Variants in NCOR1 observed in about 807,000 individuals in gnomAD.
The protein encoded by NCOR1 is nuclear receptor corepressor 1.
In NCOR1, 63 loss-of-function variants were observed where a neutral mutation model predicts 288.1. The ratio of observed to expected loss-of-function variants is 0.22; its 90% CI spans 0.18 to 0.27. The LOEUF is 0.27. NCOR1 is among the 10% of genes least tolerant of loss of function. The pLI, the probability that NCOR1 is intolerant of heterozygous loss-of-function variation, is 1.00. For missense variants in NCOR1, 2,397 were observed against 3,019.2 expected (o/e 0.79, Z 4.83); for synonymous variants, 1,007 against 1,065.9 (o/e 0.94, Z 1.08).
intron 42 of NCOR1, among the ~76,000 whole-genome samples, chr17:16,041,612 A>G (rs1284824766): frequency 3.3e-5 from 5 of 151,772 alleles, no homozygotes; most frequent in Admixed American, 6.6e-5. Context: ...ACGGAGTTTC[A>G]CCATTTTGGC....
In NCOR1 at chr17:16,125,225, T is replaced by G. The variant is rs564401429; in HGVS notation, c.1634+857A>C. Among the ~76,000 whole-genome samples the G allele has an allele frequency of 3.3e-5, 5 of 151,820 alleles. No individual in the cohort carries two copies. In the East Asian group the frequency reaches 9.7e-4, roughly 30 times the overall value. On this transcript the variant is annotated intron_variant, in intron 15 of 45. Coordinates refer to ENST00000268712, the MANE Select transcript of NCOR1 (RefSeq NM_006311.4). ...CTAAAAACACAAAATTAGCCGGGCG[T>G]GGTGACGCGTGCCTGTAATCCTACC... is the stretch of plus-strand genomic sequence containing the variant.
intron 15 of NCOR1, among the ~76,000 whole-genome samples, chr17:16,124,972 C>T (rs1244576460): frequency 6.6e-6 from 1 of 152,166 alleles, no homozygotes; most frequent in Non-Finnish European, 1.5e-5. Context: ...GTAATAATAA[C>T]TCATGACTTG....
At chr17:16,149,564 T>G in intron 8 of NCOR1, 47 bp from the exon 9 acceptor site, 1 of 894,428 alleles carries the variant, frequency 1.1e-6, no homozygotes. Context: ...AAAGCACAAT[T>G]TAATAATGCA....
chr17:16,127,523 A>G (rs2074693298), intron 14 of NCOR1, among the ~76,000 whole-genome samples: 1 of 146,926 alleles, frequency 6.8e-6, no homozygotes, highest in Admixed American at 6.8e-5. Flanking sequence ...GTATATACAC[A>G]CGTGTATATA....
chr17:16,199,210 A>ACACACACACACACACACACAC (rs1555813660), intron 1 of NCOR1, among the ~76,000 whole-genome samples: 18 of 109,212 alleles, frequency 1.6e-4, no homozygotes, highest in African/African-American at 6.1e-4. Context: ...GAAGGAAAAA[A>ACACACACACACACACACACAC]AAAAAAACAC....
intron 12 of NCOR1, among the ~76,000 whole-genome samples, chr17:16,138,422 TA>T (rs1337172278): frequency 6.6e-6 from 1 of 152,018 alleles, no homozygotes; most frequent in Non-Finnish European, 1.5e-5. Context: ...CCATCTCTAC[TA>T]AAAATACAAA....
chr17:16,189,489 A>G (rs925788933), intron 2 of NCOR1, among the ~76,000 whole-genome samples: 11 of 152,188 alleles, frequency 7.2e-5, no homozygotes, highest in Non-Finnish European at 1.3e-4. Context: ...TGAAAAGTAA[A>G]TGAAAGCTAA....
intron 19 of NCOR1, among the ~76,000 whole-genome samples, chr17:16,103,539 C>T (rs1323676498): frequency 6.6e-6 from 1 of 152,256 alleles, no homozygotes; most frequent in East Asian, 1.9e-4. Flanking sequence ...CCAGTGGGCC[C>T]CCTCCAGCCT....
Position 16,092,609 on chromosome 17 carries a change from C to T in NCOR1, c.2821-551G>A, listed in dbSNP as rs1170070197. ...GCCAAGTCCCTTGTGGCCCTAGGTC[C>T]CATCCCTCATCTCTCTTTCACCAGG... On this transcript the variant is annotated intron_variant, in intron 21 of 45. Transcript: ENST00000268712. 3.0e-5 allele frequency among the ~76,000 whole-genome samples: 4 copies of T among 132,726 alleles called. No homozygotes were observed. In the South Asian group the frequency reaches 1.0e-3, roughly 33 times the overall value. 87.1% of individuals were successfully genotyped at this position (132,726 alleles called of 152,430 possible). A position where few individuals can be genotyped will look rare whatever the true frequency, so the allele number is the denominator to read the frequency against.
At chr17:16,117,055 G>T (rs1304812530) in intron 18 of NCOR1, among the ~76,000 whole-genome samples, 1 of 152,124 alleles carries the variant, frequency 6.6e-6, no homozygotes, top group Admixed American at 6.5e-5. Flanking sequence ...AAGCTCTATG[G>T]TCTTTGACAA....
intron 37 of NCOR1, among the ~76,000 whole-genome samples, chr17:16,059,682 CA>C (rs1401956223): frequency 6.6e-6 from 1 of 152,198 alleles, no homozygotes; most frequent in Non-Finnish European, 1.5e-5. Context: ...TTCACATCCA[CA>C]AACTGCACTA....
chr17:16,070,762 GTTCA>G (rs2061658120), intron 30 of NCOR1, among the ~76,000 whole-genome samples: 1 of 152,188 alleles, frequency 6.6e-6, no homozygotes, highest in African/African-American at 2.4e-5. Flanking sequence ...AGGCATGGTG[GTTCA>G]CACCTGTAAT....
intron 18 of NCOR1, among the ~76,000 whole-genome samples, chr17:16,112,548 T>C (rs2070507648): frequency 6.6e-6 from 1 of 152,102 alleles, no homozygotes. Context: ...CCGGCTGGAG[T>C]ACAGTGGCGC....
chr17:16,063,000 A>C (rs986159310), intron 35 of NCOR1, among the ~76,000 whole-genome samples: 3 of 151,920 alleles, frequency 2.0e-5, no homozygotes, highest in Non-Finnish European at 1.5e-5. Flanking sequence ...TCTTGACCTC[A>C]TCTTGTTCTG....
Position 16,080,702 on chromosome 17 carries a change from G to C in NCOR1, c.3203C>G (p.Ser1068Cys). The change falls in exon 24 of 46, where the codon TCT becomes TGT. Residue 1068 changes from serine (S) to cysteine (C), a missense_variant. Coordinates refer to ENST00000268712, the MANE Select transcript of NCOR1 (RefSeq NM_006311.4). ...SQGTPGTYLT[S>C]HNQASYTQET... Reference sequence around the variant, plus strand: ...TTGAGTGTAGGAAGCCTGATTATGAGAAGTCAAATAAGTGCCTGGTGTTCC... The same window carrying C: ...TTGAGTGTAGGAAGCCTGATTATGACAAGTCAAATAAGTGCCTGGTGTTCC... 6.2e-7 allele frequency: 1 copy of C among 1,613,052 alleles called. No homozygotes were observed. The highest frequency in any genetic ancestry group is 8.5e-7 in the Non-Finnish European group (1 of 1,179,494).
chr17:16,058,442 C>A (rs563927899), intron 38 of NCOR1, 29 bp downstream of exon 38: 1 of 1,607,692 alleles, frequency 6.2e-7, no homozygotes, highest in Non-Finnish European at 8.5e-7. Context: ...AATATGAAAA[C>A]ATGTAAATGG....
chr17:16,152,805 T>C (rs986146019), intron 7 of NCOR1, among the ~76,000 whole-genome samples: 18 of 152,164 alleles, frequency 1.2e-4, no homozygotes, highest in African/African-American at 4.1e-4. Flanking sequence ...CCACATCCTC[T>C]CCAGCACCTG....
intron 31 of NCOR1, chr17:16,068,330 G>C (rs2061361260): frequency 1.9e-6 from 1 of 539,204 alleles, no homozygotes; most frequent in Non-Finnish European, 3.3e-6. Flanking sequence ...GATTTGGAGA[G>C]TACTGTCACC....
At chr17:16,207,040 T>C (rs2091593727) in intron 1 of NCOR1, among the ~76,000 whole-genome samples, 2 of 152,202 alleles carry the variant, frequency 1.3e-5, no homozygotes, top group African/African-American at 2.4e-5. Context: ...ACAGAATGTA[T>C]ATACTCTTAC....
Sources: gnomAD v4.1 joint callset for allele counts (sites outside exome capture counted in the v4.1 genomes callset) on GRCh38, gnomAD v4.1.1 for gene constraint, MANE v1.5 for transcripts, NCBI Gene and HGNC (gene_info 2026-07-23, HGNC 2026-07-21) for gene names.